CEP350: variants seen among roughly 807,000 people sequenced by gnomAD.
CEP350 encodes the protein centrosomal protein 350, also known as centrosome-associated protein 350.
CEP350 carries 126 observed loss-of-function variants against 331.8 expected under a neutral mutation model. The observed-to-expected ratio is 0.38, with a 90% CI of 0.33 to 0.44. CEP350 has a LOEUF of 0.44. CEP350 is among the 20% of genes least tolerant of loss of function. The pLI is 1.00. For synonymous variants in CEP350, 1,200 were observed against 1,259.5 expected (o/e 0.95, Z 1.00); for missense variants, 3,406 against 3,634.6 (o/e 0.94, Z 1.62).
chr1:179,999,110 A>G (rs1653687123), intron 6 of CEP350, among the ~76,000 whole-genome samples: 1 of 152,190 alleles, frequency 6.6e-6, no homozygotes, highest in African/African-American at 2.4e-5. Context: ...GTAATTAAGT[A>G]CAGACCCATT....
intron 6 of CEP350, among the ~76,000 whole-genome samples, chr1:179,999,733 G>A (rs1653735468): frequency 6.6e-6 from 1 of 151,996 alleles, no homozygotes; most frequent in South Asian, 2.1e-4. Flanking sequence ...GCAAACATAA[G>A]CAAATAGGAG....
intron 1 of CEP350, among the ~76,000 whole-genome samples, chr1:179,961,882 G>C (rs1445656281): frequency 1.3e-5 from 2 of 151,966 alleles, no homozygotes; most frequent in African/African-American, 4.8e-5. Context: ...TGGAGTCTCT[G>C]TCACCCAGGC....
In CEP350 at chr1:180,031,394, G is replaced by A. The variant is rs1438342717; in HGVS notation, c.3625G>A (p.Gly1209Arg). Reference protein sequence around the residue: ...EEKAERGSHQGKKSGTSSKLS... With the variant: ...EEKAERGSHQRKKSGTSSKLS... The stretch of plus-strand genomic sequence containing the variant: ...AAAAGCAGAACGTGGCTCCCATCAA[G>A]GAAAGAAATCTGGGACCAGCAGCAA... The change falls in exon 15 of 38, where the codon GGA becomes AGA. Residue 1209 changes from glycine (G) to arginine (R), a missense_variant. Gly to Arg is a moderately radical substitution (Grantham distance 125). This residue lies in a region of CEP350 where 1,857 missense variants were observed against 1,909.2 expected (regional missense o/e 0.97). Coordinates refer to ENST00000367607, the MANE Select transcript of CEP350 (RefSeq NM_014810.5). 2 of 1,607,586 alleles carry A rather than the reference G, an allele frequency of 1.2e-6. No homozygotes were observed. Among genetic ancestry groups the A allele is most frequent in the Admixed American group, 1.7e-5 (1 of 59,518 alleles).
intron 14 of CEP350, among the ~76,000 whole-genome samples, chr1:180,026,640 C>T (rs145811967): frequency 2.6e-5 from 4 of 152,324 alleles, no homozygotes; most frequent in Admixed American, 6.5e-5. Context: ...GTCCATCAGC[C>T]GCTGGTAACC....
chr1:179,962,138 C>T (rs929979996), intron 1 of CEP350, among the ~76,000 whole-genome samples: 2 of 151,956 alleles, frequency 1.3e-5, no homozygotes, highest in Non-Finnish European at 2.9e-5. Flanking sequence ...TGAGCCACCA[C>T]GCCCGGCCCT....
chr1:180,110,002 T>C (rs1325229436), intron 37 of CEP350, among the ~76,000 whole-genome samples: 1 of 152,224 alleles, frequency 6.6e-6, no homozygotes, highest in East Asian at 1.9e-4. Flanking sequence ...GCAATAAATC[T>C]GGGGAGGTTA....
chr1:180,030,105 A>T (rs1335221261), intron 14 of CEP350, among the ~76,000 whole-genome samples: 1 of 151,768 alleles, frequency 6.6e-6, no homozygotes, highest in African/African-American at 2.4e-5. Flanking sequence ...GACTATTTTG[A>T]GTAATACTGC....
chr1:180,048,529 TA>T lies in CEP350; in HGVS notation c.4623-2del. 6.3e-7 allele frequency: 1 copy of T among 1,580,594 alleles called. No homozygotes were observed. Among genetic ancestry groups the T allele is most frequent in the Non-Finnish European group, 8.6e-7 (1 of 1,159,068 alleles). ...TGTTGTTGTTGTTTCCATGTATCCA[TA>T]AAAAGAAGTAGCAGTGGTAGCAGCC... is the stretch of plus-strand genomic sequence containing the variant. On this transcript the variant is annotated splice_polypyrimidine_tract_variant and splice_region_variant and intron_variant, in intron 21 of 37. Transcript: ENST00000367607.
Position 180,065,098 on chromosome 1 carries a change from CCT to C in CEP350, c.5410-14_5410-13del, listed in dbSNP as rs746250608. ...CCTATTAAAGTCCAATACAATTTTG[CCT>C]CTTTTTGTTTGCAGGACTCTCATAG... On this transcript the variant is annotated splice_polypyrimidine_tract_variant and intron_variant, in intron 26 of 37. Coordinates refer to ENST00000367607, the MANE Select transcript of CEP350 (RefSeq NM_014810.5). The C allele has an allele frequency of 6.4e-7, 1 of 1,573,454 alleles. No homozygotes were observed. Among genetic ancestry groups the C allele is most frequent in the Non-Finnish European group, 8.6e-7 (1 of 1,165,430 alleles).
At chr1:180,006,307 T>A (rs1332810438) in intron 7 of CEP350, 147 bp from the exon 8 acceptor site, 2 of 575,058 alleles carry the variant, frequency 3.5e-6, no homozygotes, top group Non-Finnish European at 6.4e-6. Flanking sequence ...GATGTTGGTA[T>A]TATGTGGGCC....
intron 31 of CEP350, among the ~76,000 whole-genome samples, chr1:180,084,985 A>C (rs142379223): frequency 6.6e-6 from 1 of 152,292 alleles, no homozygotes; most frequent in African/African-American, 2.4e-5. Context: ...GAGAAGTATT[A>C]GATAAATAAT....
chr1:180,061,433 A>T (rs149182635), intron 25 of CEP350, among the ~76,000 whole-genome samples: 41 of 152,294 alleles, frequency 2.7e-4, no homozygotes, highest in Non-Finnish European at 1.0e-4. Context: ...GGCTCAAGTG[A>T]TCTGCCTGCC....
Position 179,997,050 on chromosome 1 carries a change from A to C in CEP350, c.893A>C (p.Glu298Ala). The C allele has an allele frequency of 3.7e-6, 6 of 1,614,028 alleles. No homozygotes were observed. Among genetic ancestry groups the C allele is most frequent in the Non-Finnish European group, 5.1e-6 (6 of 1,179,880 alleles). The part of the protein sequence containing the change: ...RIRKQWEHSE[E>A]TNGRGQKLGH... ...AGAAAACAGTGGGAACACTCAGAAGAAACAAATGGCCGGGGCCAGAAGCTG... is the reference window on the plus strand; with the variant it reads ...AGAAAACAGTGGGAACACTCAGAAGCAACAAATGGCCGGGGCCAGAAGCTG... Residue 298 changes from glutamate (E) to alanine (A), a missense_variant, in exon 6 of 38, where the codon GAA becomes GCA. Glu to Ala is a moderately radical substitution (Grantham distance 107, BLOSUM62 -1). This residue lies in a region of CEP350 where 1,857 missense variants were observed against 1,909.2 expected (regional missense o/e 0.97). Coordinates refer to ENST00000367607, the MANE Select transcript of CEP350 (RefSeq NM_014810.5).
chr1:179,992,637 A>G (rs1653178291), intron 5 of CEP350, among the ~76,000 whole-genome samples: 2 of 152,166 alleles, frequency 1.3e-5, no homozygotes, highest in South Asian at 2.1e-4. Context: ...TTAGTCACAT[A>G]AAATTCCTAT....
intron 19 of CEP350, 77 bp downstream of exon 19, chr1:180,041,879 T>G (rs889447052): frequency 2.3e-6 from 3 of 1,326,716 alleles, no homozygotes; most frequent in Non-Finnish European, 2.1e-6. Flanking sequence ...AGTAATGGGT[T>G]TCTAATATCT....
In CEP350 at chr1:179,988,671, C is replaced by CT. The variant is rs546396776; in HGVS notation, c.120+1397dup. Among the ~76,000 whole-genome samples, 865 of 145,074 alleles carry CT rather than the reference C, an allele frequency of 6.0e-3. 4 individuals are homozygous for CT. Among genetic ancestry groups the CT allele is most frequent in the African/African-American group, 0.013 (498 of 39,646 alleles). ...TGCATAGTTCATTCAAAGGGAAACC[C>CT]TTTTTTTTTTTTAATTTGCTCTCTG... On this transcript the variant is annotated intron_variant, in intron 3 of 37. Transcript: ENST00000367607.
At chr1:180,108,331 T>A (rs901410074) in intron 37 of CEP350, among the ~76,000 whole-genome samples, 2 of 152,212 alleles carry the variant, frequency 1.3e-5, no homozygotes, top group Admixed American at 1.3e-4. Context: ...AAGAACAGAT[T>A]TAATATTACA....
At position 180,014,158 on chromosome 1, in the gene CEP350, G is replaced by C; in HGVS notation, c.1705G>C (p.Val569Leu). The C allele has an allele frequency of 6.2e-7, 1 of 1,608,310 alleles. No homozygotes were observed. The highest frequency in any genetic ancestry group is 8.5e-7 in the Non-Finnish European group (1 of 1,177,302). The change falls in exon 10 of 38, where the codon GTA (valine) becomes CTA (leucine). Residue 569 changes from valine to leucine, a missense_variant. Val to Leu is a conservative substitution (Grantham distance 32, BLOSUM62 1). Transcript: ENST00000367607. ...PVHAPRSHSP[V>L]KRKPDKITAN... Reference sequence around the variant, plus strand: ...ACATGCTCCTAGGAGTCACAGCCCAGTAAAAAGAAAACCTGACAAAATAAC... The same window carrying C: ...ACATGCTCCTAGGAGTCACAGCCCACTAAAAAGAAAACCTGACAAAATAAC...
chr1:180,064,390 A>G (rs1018432960), intron 26 of CEP350, among the ~76,000 whole-genome samples: 17 of 151,660 alleles, frequency 1.1e-4, no homozygotes, highest in African/African-American at 3.9e-4. Flanking sequence ...TCCAATGACT[A>G]TAAGACTTAA....
Sources: gnomAD v4.1 joint callset for allele counts (sites outside exome capture counted in the v4.1 genomes callset) on GRCh38, gnomAD v4.1.1 for gene constraint, gnomAD v4.1.1 regional missense constraint, MANE v1.5 for transcripts, NCBI Gene and HGNC (gene_info 2026-07-23, HGNC 2026-07-21) for gene names.